CAPN3: variants seen among roughly 807,000 people sequenced by gnomAD.
CAPN3 encodes calpain 3.
In CAPN3, 88 loss-of-function variants were observed where a neutral mutation model predicts 114.0. The ratio of observed to expected loss-of-function variants is 0.77; its 90% CI spans 0.65 to 0.92. The LOEUF is 0.92. CAPN3 is among the 40% of genes least tolerant of loss of function. The pLI, the probability that CAPN3 is intolerant of heterozygous loss-of-function variation, is 0.00. For missense variants in CAPN3, 1,028 were observed against 1,069.0 expected (o/e 0.96, Z 0.53); for synonymous variants, 386 against 382.9 (o/e 1.01, Z -0.09).
intron 6 of CAPN3, 95 bp downstream of exon 6, chr15:42,390,191 A>C: frequency 7.3e-7 from 1 of 1,376,266 alleles, no homozygotes; most frequent in Non-Finnish European, 1.0e-6. Flanking sequence ...CCAGGGCCTT[A>C]CCCACACACC....
intron 8 of CAPN3, among the ~76,000 whole-genome samples, chr15:42,396,230 G>T (rs1371756014): frequency 6.7e-6 from 1 of 149,868 alleles, no homozygotes; most frequent in Admixed American, 6.6e-5. Flanking sequence ...GTTTGTCTAT[G>T]TCCAGAACCC....
intron 1 of CAPN3, among the ~76,000 whole-genome samples, chr15:42,380,571 GTGTGTGTA>G (rs1249698454): frequency 6.8e-6 from 1 of 146,854 alleles, no homozygotes; most frequent in African/African-American, 2.5e-5. Context: ...GTGTGTGGGT[GTGTGTGTA>G]TGTGTGTATG....
In CAPN3 at chr15:42,412,088, T is replaced by C; in HGVS notation, c.*315T>C. Reference sequence around the variant, plus strand: ...TGCTCCTGCTTACCTTGCTCTAGGCTGTCTGCAGAAGCACCTGCCGGTGGC... The same window carrying C: ...TGCTCCTGCTTACCTTGCTCTAGGCCGTCTGCAGAAGCACCTGCCGGTGGC... On this transcript the variant is annotated 3_prime_UTR_variant, in exon 24 of 24. Transcript: ENST00000397163. 2 of 1,535,086 alleles carry C rather than the reference T, an allele frequency of 1.3e-6. No individual in the cohort carries two copies. The highest frequency in any genetic ancestry group is 1.7e-6 in the Non-Finnish European group (2 of 1,146,596).
At chr15:42,401,481 C>T (rs746520832) in intron 10 of CAPN3, among the ~76,000 whole-genome samples, 160 bp from the exon 11 acceptor site, 2 of 131,120 alleles carry the variant, frequency 1.5e-5, no homozygotes, top group African/African-American at 5.5e-5. Context: ...GCGCCCCCCC[C>T]CCCCCCAAAT....
At chr15:42,387,561 A>G (rs550405859) in intron 3 of CAPN3, among the ~76,000 whole-genome samples, 192 bp from the exon 4 acceptor site, 1 of 152,344 alleles carries the variant, frequency 6.6e-6, no homozygotes, top group Admixed American at 6.5e-5. Context: ...CCAGCTCTCA[A>G]AAAGCACCCA....
At chr15:42,411,726 T>G in intron 23 of CAPN3, 21 bp from the exon 24 acceptor site, 2 of 1,201,700 alleles carry the variant, frequency 1.7e-6, no homozygotes, top group Non-Finnish European at 2.5e-6. Context: ...ATCTACATTC[T>G]GATCTTGGGA....
intron 4 of CAPN3, 106 bp downstream of exon 4, chr15:42,387,992 C>A: frequency 1.5e-6 from 2 of 1,367,454 alleles, no homozygotes; most frequent in Non-Finnish European, 2.1e-6. Flanking sequence ...TCTATACGTG[C>A]ATATGTGTGG....
chr15:42,380,721 C>T (rs1456521451), intron 1 of CAPN3, among the ~76,000 whole-genome samples: 2 of 135,582 alleles, frequency 1.5e-5, no homozygotes, highest in Admixed American at 1.5e-4. Context: ...TCTCCCCCCA[C>T]CTTCCCCATA....
chr15:42,401,825 T>C lies in CAPN3; in HGVS notation c.1524+15T>C, dbSNP rs774789153. Reference sequence around the variant, plus strand: ...CCATCTACGAGGTGTGCAGTCCTGATTGGCTCCAGCCCAGGAAACATACTT... The same window carrying C: ...CCATCTACGAGGTGTGCAGTCCTGACTGGCTCCAGCCCAGGAAACATACTT... On this transcript the variant is annotated intron_variant, in intron 11 of 23. Coordinates refer to ENST00000397163, the MANE Select transcript of CAPN3 (RefSeq NM_000070.3). 6.2e-7 allele frequency: 1 copy of C among 1,609,596 alleles called. No individual in the cohort carries two copies.
chr15:42,363,922 C>T (rs2052714457), intron 1 of CAPN3, among the ~76,000 whole-genome samples: 1 of 152,210 alleles, frequency 6.6e-6, no homozygotes, highest in South Asian at 2.1e-4. Flanking sequence ...AGCCCCAAAT[C>T]TATCTAATTC....
chr15:42,359,579 G>A lies in CAPN3; in HGVS notation c.-227G>A, dbSNP rs2141101486. The A allele has an allele frequency of 7.1e-7, 1 of 1,403,614 alleles. No individual in the cohort carries two copies. The highest frequency in any genetic ancestry group is 1.6e-5 in the South Asian group (1 of 63,132). 86.9% of individuals were successfully genotyped at this position (1,403,614 alleles called of 1,614,324 possible). Reference sequence around the variant, plus strand: ...TCAACATTGCTTCAGAAATCCTTTAGCACTCATTTCTCAGGAGAACTTATG... The same window carrying A: ...TCAACATTGCTTCAGAAATCCTTTAACACTCATTTCTCAGGAGAACTTATG... On this transcript the variant is annotated 5_prime_UTR_variant, in exon 1 of 24. The change abolishes the stop of an existing upstream ORF in the 5' untranslated region. Coordinates refer to ENST00000397163, the MANE Select transcript of CAPN3 (RefSeq NM_000070.3).
In CAPN3 at chr15:42,410,437, T is replaced by G; in HGVS notation, c.2125T>G (p.Ser709Ala). The change falls in exon 20 of 24, where the codon TCT becomes GCT. Residue 709 changes from serine to alanine, a missense_variant. Ser to Ala is a moderately conservative substitution (Grantham distance 99). Coordinates refer to ENST00000397163, the MANE Select transcript of CAPN3 (RefSeq NM_000070.3). ...GACCTCCCTCCTCCAGACAGATGGC[T>G]CTGGAAAGCTCAACCTGCAGGAGTT... ...SMIALMDTDG[S>A]GKLNLQEFHH... 6.2e-7 allele frequency: 1 copy of G among 1,614,022 alleles called. No individual in the cohort carries two copies. The highest frequency in any genetic ancestry group is 8.5e-7 in the Non-Finnish European group (1 of 1,180,002).
rs28364410 is a variant in CAPN3, at chr15:42,388,103, T to C, written c.632+217T>C. On this transcript the variant is annotated intron_variant, in intron 4 of 23. Coordinates refer to ENST00000397163, the MANE Select transcript of CAPN3 (RefSeq NM_000070.3). Reference sequence around the variant, plus strand: ...TTAAGAGTAGAAATGAAGATTTGCATAGAAGACCTTTAGCTTTAGCTTACC... The same window carrying C: ...TTAAGAGTAGAAATGAAGATTTGCACAGAAGACCTTTAGCTTTAGCTTACC... 3.1e-3 allele frequency among the ~76,000 whole-genome samples: 471 copies of C among 152,326 alleles called. 4 individuals carry two copies. Among genetic ancestry groups the C allele is most frequent in the Non-Finnish European group, 5.4e-3 (364 of 68,026 alleles).
At chr15:42,394,439 G>T in intron 8 of CAPN3, 98 bp downstream of exon 8, 1 of 966,904 alleles carries the variant, frequency 1.0e-6, no homozygotes, top group Non-Finnish European at 1.6e-6. Context: ...GAAGATGCTT[G>T]GTATAAAATC....
At chr15:42,375,240 TGTGGAAG>T (rs906730909) in intron 1 of CAPN3, among the ~76,000 whole-genome samples, 15 of 151,916 alleles carry the variant, frequency 9.9e-5, no homozygotes, top group Non-Finnish European at 1.8e-4. Flanking sequence ...GGGAGAGTTC[TGTGGAAG>T]GTGGTGAACA....
intron 1 of CAPN3, among the ~76,000 whole-genome samples, chr15:42,364,935 C>T (rs1461737411): frequency 1.3e-5 from 2 of 152,226 alleles, no homozygotes; most frequent in Non-Finnish European, 2.9e-5. Context: ...GGGCCAGTTG[C>T]AGGACCTTGT....
intron 6 of CAPN3, among the ~76,000 whole-genome samples, chr15:42,391,757 C>T (rs146493024): frequency 1.3e-5 from 2 of 152,296 alleles, no homozygotes; most frequent in African/African-American, 4.8e-5. Flanking sequence ...ACGGTCATGT[C>T]TGAGCAGGGA....
At position 42,411,851 on chromosome 15, in the gene CAPN3, C is replaced by A. The variant is rs2054262184; in HGVS notation, c.*78C>A. ...ACCCTCTATTTCCAAAGCCATTTAC[C>A]TCAAAGGACCCAGCAGCTACACCCC... On this transcript the variant is annotated 3_prime_UTR_variant, in exon 24 of 24. Coordinates refer to ENST00000397163, the MANE Select transcript of CAPN3 (RefSeq NM_000070.3). 1.2e-6 allele frequency: 2 copies of A among 1,612,414 alleles called. No individual in the cohort carries two copies. The highest frequency in any genetic ancestry group is 1.7e-6 in the Non-Finnish European group (2 of 1,179,226).
rs139083274 is a variant in CAPN3 at position 42,363,695 on chromosome 15, C to T, written c.309+3581C>T. Among the ~76,000 whole-genome samples, 113 of 152,308 alleles carry T rather than the reference C, an allele frequency of 7.4e-4. 1 individual carries two copies. The highest frequency in any genetic ancestry group is 3.4e-3 in the Middle Eastern group (1 of 294). Reference sequence around the variant, plus strand: ...ATGTGTGGTTAACAGTAAAGATAATCGCTAATCTTGAGTGAGAACTCACCA... The same window carrying T: ...ATGTGTGGTTAACAGTAAAGATAATTGCTAATCTTGAGTGAGAACTCACCA... On this transcript the variant is annotated intron_variant, in intron 1 of 23. Transcript: ENST00000397163.
Sources: allele counts gnomAD v4.1 joint callset (sites outside exome capture counted in the v4.1 genomes callset), GRCh38; gene constraint gnomAD v4.1.1; transcripts MANE v1.5; gene names NCBI Gene and HGNC (gene_info 2026-07-23, HGNC 2026-07-21).